The following MFHAS1 variants were observed in gnomAD, a reference collection of about 807,000 sequenced individuals.
The protein encoded by MFHAS1 is malignant fibrous histiocytoma-amplified sequence 1.
Under a neutral mutation model 70.4 loss-of-function variants are expected in MFHAS1, and 50 were observed. The ratio of observed to expected loss-of-function variants is 0.71; its 90% confidence interval spans 0.57 to 0.90. The LOEUF is 0.90. MFHAS1 is among the 40% of genes least tolerant of loss of function. The pLI is 0.00. For missense variants in MFHAS1, 1,795 were observed against 1,347.6 expected, an observed-to-expected ratio of 1.33 and a Z score of -5.20; for synonymous variants, 952 against 620.0, an observed-to-expected ratio of 1.54 and a Z score of -7.96.
chr8:8,845,253 G>A (rs1244957619), intron 1 of MFHAS1, among the ~76,000 whole-genome samples: 1 of 152,166 alleles, frequency 6.6e-6, no homozygotes, highest in Admixed American at 6.5e-5. Context: ...TCACATAAAA[G>A]TCAGAAACAG....
rs1482175906 is a variant in MFHAS1, at chr8:8,783,542, C to G, written c.*2480G>C. On this transcript the variant is annotated 3_prime_UTR_variant, in exon 3 of 3. Transcript: ENST00000276282. Reference sequence around the variant, plus strand: ...AAAAGAGAGTCCAATACACAAGTGTCAAATATGAGCACTGTCATTTTTTTT... The same window carrying G: ...AAAAGAGAGTCCAATACACAAGTGTGAAATATGAGCACTGTCATTTTTTTT... 1 of 152,016 alleles carries G rather than the reference C, an allele frequency of 6.6e-6. No homozygotes were observed. Among genetic ancestry groups the G allele is most frequent in the Non-Finnish European group, 1.5e-5 (1 of 68,016 alleles). 9.4% of individuals were successfully genotyped at this position (152,016 alleles called of 1,614,324 possible). A position where few individuals can be genotyped will look rare whatever the true frequency, so the allele number is the denominator to read the frequency against.
chr8:8,825,782 ACAATT>A (rs777985615), intron 1 of MFHAS1, among the ~76,000 whole-genome samples: 17 of 152,222 alleles, frequency 1.1e-4, no homozygotes, highest in Non-Finnish European at 2.1e-4. Flanking sequence ...TAGAGGGAAC[ACAATT>A]CAGCCATAAC....
Position 8,784,531 on chromosome 8 carries a change from A to G in MFHAS1, c.*1491T>C, listed in dbSNP as rs1805467937. 1 of 152,214 alleles carries G rather than the reference A, an allele frequency of 6.6e-6. No individual in the cohort carries two copies. Among genetic ancestry groups the G allele is most frequent in the Non-Finnish European group, 1.5e-5 (1 of 68,024 alleles). 9.4% of individuals were successfully genotyped at this position (152,214 alleles called of 1,614,324 possible). ...TGCCTGGGGCACAAAATATTCTACA[A>G]AAATCGGTTTGTGATTTCTAGCAGG... is the stretch of plus-strand genomic sequence containing the variant. On this transcript the variant is annotated 3_prime_UTR_variant, in exon 3 of 3. Coordinates refer to ENST00000276282, the MANE Select transcript of MFHAS1 (RefSeq NM_004225.3).
intron 1 of MFHAS1, among the ~76,000 whole-genome samples, chr8:8,852,052 G>A (rs73525749): frequency 0.011 from 1,737 of 152,232 alleles, 37 homozygotes; most frequent in African/African-American, 0.039. Context: ...GTGGAATGCC[G>A]GCTTCCATTC....
At chr8:8,816,911 T>A (rs1297991750) in intron 1 of MFHAS1, among the ~76,000 whole-genome samples, 1 of 152,234 alleles carries the variant, frequency 6.6e-6, no homozygotes, top group Non-Finnish European at 1.5e-5. Flanking sequence ...AAGACATATA[T>A]AAGCGTGGCT....
chr8:8,874,069 T>C (rs1809193918), intron 1 of MFHAS1, among the ~76,000 whole-genome samples: 2 of 152,160 alleles, frequency 1.3e-5, no homozygotes, highest in African/African-American at 4.8e-5. Flanking sequence ...TTCATAACCC[T>C]CGAGGCTTTT....
chr8:8,858,954 T>G (rs1020106192), intron 1 of MFHAS1, among the ~76,000 whole-genome samples: 2 of 152,266 alleles, frequency 1.3e-5, no homozygotes, highest in African/African-American at 4.8e-5. Flanking sequence ...ACATATTTTC[T>G]GCACAATACC....
At position 8,830,567 on chromosome 8, in the gene MFHAS1, A is replaced by C. The variant is rs145974335; in HGVS notation, c.2999-33076T>G. On this transcript the variant is annotated intron_variant, in intron 1 of 2. Coordinates refer to ENST00000276282, the MANE Select transcript of MFHAS1 (RefSeq NM_004225.3). The stretch of plus-strand genomic sequence containing the variant: ...TTACAGGAAAGGAAACATGTACCCA[A>C]GGTCACCAAAGTTGGCCCTAAAGCA... 3.8e-3 allele frequency among the ~76,000 whole-genome samples: 572 copies of C among 152,306 alleles called. 6 individuals carry two copies. The highest frequency in any genetic ancestry group is 0.013 in the African/African-American group (538 of 41,568).
chr8:8,787,237 C>A (rs186645125), intron 2 of MFHAS1, among the ~76,000 whole-genome samples: 1 of 152,250 alleles, frequency 6.6e-6, no homozygotes, highest in African/African-American at 2.4e-5. Context: ...CCCGCCACCA[C>A]ACGCGGCTAA....
intron 1 of MFHAS1, among the ~76,000 whole-genome samples, chr8:8,841,176 T>C (rs907114051): frequency 3.9e-5 from 6 of 152,208 alleles, no homozygotes; most frequent in African/African-American, 1.4e-4. Flanking sequence ...CGGGCTGTAC[T>C]TCAAGACTTC....
At chr8:8,878,401 G>A (rs1000463536) in intron 1 of MFHAS1, among the ~76,000 whole-genome samples, 1 of 151,964 alleles carries the variant, frequency 6.6e-6, no homozygotes, top group African/African-American at 2.4e-5. Context: ...GCTGCTGTGG[G>A]GATTAAATAA....
Position 8,892,896 on chromosome 8 carries a change from G to C in MFHAS1, c.163C>G (p.Gln55Glu), listed in dbSNP as rs776900828. 18 of 1,570,932 alleles carry C rather than the reference G, an allele frequency of 1.1e-5. No individual in the cohort carries two copies. The African/African-American group carries it at 1.7e-4, about 15-fold the overall frequency. ...ADALESPASP[Q>E]LVLPANLGDI... ...CCGAGGTTGGCCGGCAGCACGAGCTGGGGGGAGGCGGGGGACTCGAGCGCG... is the reference window on the plus strand; with the variant it reads ...CCGAGGTTGGCCGGCAGCACGAGCTCGGGGGAGGCGGGGGACTCGAGCGCG... The change falls in exon 1 of 3, where the codon CAG becomes GAG. Residue 55 changes from glutamine (Q) to glutamate (E), a missense_variant. Gln to Glu is a conservative substitution (Grantham distance 29). Transcript: ENST00000276282. The surrounding 1 kb of genome is among the most constrained non-coding windows in gnomAD (Gnocchi z 4.7).
At chr8:8,843,275 C>CA (rs565954183) in intron 1 of MFHAS1, among the ~76,000 whole-genome samples, 164 of 123,594 alleles carry the variant, frequency 1.3e-3, no homozygotes, top group East Asian at 1.8e-3. Flanking sequence ...GACTCCGTCT[C>CA]AAAAAAAAAA....
intron 1 of MFHAS1, among the ~76,000 whole-genome samples, chr8:8,835,937 T>C (rs1206427579): frequency 6.6e-6 from 1 of 152,276 alleles, no homozygotes; most frequent in East Asian, 1.9e-4. Context: ...GGTAGTGCAA[T>C]TCTGCTAACC....
At chr8:8,836,785 T>A (rs1166951973) in intron 1 of MFHAS1, among the ~76,000 whole-genome samples, 1 of 152,250 alleles carries the variant, frequency 6.6e-6, no homozygotes, top group African/African-American at 2.4e-5. Flanking sequence ...TCCTTTAGTT[T>A]CCTTTCTGCA....
At chr8:8,820,918 G>C (rs974990896) in intron 1 of MFHAS1, among the ~76,000 whole-genome samples, 5 of 152,188 alleles carry the variant, frequency 3.3e-5, no homozygotes, top group African/African-American at 1.2e-4. Flanking sequence ...ATTTAATGAA[G>C]AAAAAATAGC....
In MFHAS1 at chr8:8,784,860, C is replaced by G. The variant is rs1805481104; in HGVS notation, c.*1162G>C. On this transcript the variant is annotated 3_prime_UTR_variant, in exon 3 of 3. Transcript: ENST00000276282. ...TGTTTGGTTGGCTTTTTAAGTTTTA[C>G]CTTGTGAAGATTTTAAAACAAGGGT... 1 of 152,288 alleles carries G rather than the reference C, an allele frequency of 6.6e-6. No individual in the cohort carries two copies. The highest frequency in any genetic ancestry group is 1.9e-4 in the East Asian group (1 of 5,188). 9.4% of individuals were successfully genotyped at this position (152,288 alleles called of 1,614,324 possible).
At chr8:8,862,570 G>A (rs564217909) in intron 1 of MFHAS1, among the ~76,000 whole-genome samples, 1 of 152,026 alleles carries the variant, frequency 6.6e-6, no homozygotes, top group Non-Finnish European at 1.5e-5. Context: ...CTGCTGTTAG[G>A]GGGTGGAGGT....
rs1050543235 is a variant in MFHAS1, at chr8:8,891,201, T to C, written c.1858A>G (p.Ile620Val). The change falls in exon 1 of 3, where the codon ATC (isoleucine) becomes GTC (valine). Residue 620 changes from isoleucine to valine, a missense_variant. Ile to Val is a conservative substitution (Grantham distance 29). Coordinates refer to ENST00000276282, the MANE Select transcript of MFHAS1 (RefSeq NM_004225.3). This position sits in a 1 kb window ranked among gnomAD's most constrained non-coding sequence, Gnocchi z 5.4. ...FQYLLNHRLQ[I>V]LSPVLPVSCR... ...CTAACAGGCAACACGGGGGAGAGGATCTGCAGCCGGTGGTTGAGCAGGTAT... is the reference window on the plus strand; with the variant it reads ...CTAACAGGCAACACGGGGGAGAGGACCTGCAGCCGGTGGTTGAGCAGGTAT... 6.2e-7 allele frequency: 1 copy of C among 1,612,970 alleles called. No homozygotes were observed. The highest frequency in any genetic ancestry group is 1.7e-5 in the Admixed American group (1 of 60,034).
Sources: gnomAD v4.1 joint callset for allele counts (sites outside exome capture counted in the v4.1 genomes callset) on GRCh38, gnomAD v4.1.1 for gene constraint, Gnocchi (gnomAD v3.1) non-coding constraint, MANE v1.5 for transcripts, NCBI Gene and HGNC (gene_info 2026-07-23, HGNC 2026-07-21) for gene names.